Variants in ZNF251 observed in about 807,000 individuals in gnomAD.
The protein encoded by ZNF251 is zinc finger protein 251.
Under a neutral mutation model 13.5 loss-of-function variants are expected in ZNF251, and 14 were observed. That is an observed-to-expected ratio of 1.04 (90% confidence interval 0.69 to 1.63). The LOEUF is 1.63. Ranked by LOEUF, ZNF251 falls within the 40% of genes most tolerant of loss-of-function variation. The pLI is 0.00. For synonymous variants in ZNF251, 287 were observed against 295.2 expected, an observed-to-expected ratio of 0.97 and a Z score of 0.28; for missense variants, 764 against 834.9, an observed-to-expected ratio of 0.92 and a Z score of 1.05.
At chr8:144,730,974 T>C (rs886660199) in intron 4 of ZNF251, among the ~76,000 whole-genome samples, 6 of 152,126 alleles carry the variant, frequency 3.9e-5, no homozygotes, top group African/African-American at 1.2e-4. Context: ...AGCAGCACCT[T>C]GGGCACTGTG....
At chr8:144,737,408 G>A (rs939698477) in intron 4 of ZNF251, among the ~76,000 whole-genome samples, 6 of 152,096 alleles carry the variant, frequency 3.9e-5, no homozygotes, top group Non-Finnish European at 8.8e-5. Flanking sequence ...TCGGGAGGCT[G>A]AGGCAGGAGA....
chr8:144,736,522 G>A (rs1432951520), intron 4 of ZNF251, among the ~76,000 whole-genome samples: 1 of 148,622 alleles, frequency 6.7e-6, no homozygotes, highest in African/African-American at 2.5e-5. Context: ...ACAGAGTTTC[G>A]CTCTTGTTGC....
chr8:144,748,055 A>C (rs552533260), intron 4 of ZNF251, among the ~76,000 whole-genome samples: 2 of 151,128 alleles, frequency 1.3e-5, no homozygotes, highest in African/African-American at 4.9e-5. Flanking sequence ...GATTACAGGC[A>C]TGACTACCAC....
intron 4 of ZNF251, among the ~76,000 whole-genome samples, chr8:144,749,043 T>C (rs1824565023): frequency 6.6e-6 from 1 of 152,212 alleles, no homozygotes; most frequent in Non-Finnish European, 1.5e-5. Flanking sequence ...CATGCACCTG[T>C]AGTCCCAGCT....
rs371241405 is a variant in ZNF251 at position 144,735,092 on chromosome 8, A to G, written c.278-11710T>C. 1.3e-4 allele frequency among the ~76,000 whole-genome samples: 19 copies of G among 150,634 alleles called. No individual in the cohort carries two copies. The South Asian group carries it at 4.0e-3, about 32-fold the overall frequency. On this transcript the variant is annotated intron_variant, in intron 4 of 4. Transcript: ENST00000292562. Reference sequence around the variant, plus strand: ...CGTCTCAAAAAAATAAAAAAAAAAGAGATTTTACATTGGCTGGGCATGGTG... The same window carrying G: ...CGTCTCAAAAAAATAAAAAAAAAAGGGATTTTACATTGGCTGGGCATGGTG...
intron 1 of ZNF251, 65 bp from the exon 2 acceptor site, chr8:144,754,868 C>G: frequency 1.4e-6 from 2 of 1,472,348 alleles, no homozygotes; most frequent in Non-Finnish European, 1.8e-6. Flanking sequence ...GGCCAGGAGG[C>G]AGAAGCTGAT....
chr8:144,747,020 CTT>C (rs992135463), intron 4 of ZNF251, among the ~76,000 whole-genome samples: 5 of 151,950 alleles, frequency 3.3e-5, no homozygotes, highest in Non-Finnish European at 5.9e-5. Flanking sequence ...TTAATTTGCT[CTT>C]CTTTTTCTAG....
chr8:144,722,230 G>A lies in ZNF251; in HGVS notation c.1430C>T (p.Thr477Ile). The change falls in exon 5 of 5, where the codon ACC becomes ATC. Residue 477 changes from threonine to isoleucine, a missense_variant. By Grantham distance (89) the Thr-to-Ile change is moderately conservative (BLOSUM62 -1). Transcript: ENST00000292562. This position sits in a 1 kb window ranked among gnomAD's most constrained non-coding sequence, Gnocchi z 4.8. ...GKAFSQSSQL[T>I]LHQRVHTGEK... ...TCCAGTGTGAACTCGCTGATGTAGG[G>A]TGAGCTGGGAGCTCTGGCTGAAAGC... is the stretch of plus-strand genomic sequence containing the variant. 1.9e-6 allele frequency: 3 copies of A among 1,611,974 alleles called. No homozygotes were observed.
In ZNF251 at chr8:144,749,146, T is replaced by C. The variant is rs142571349; in HGVS notation, c.277+4537A>G. Among the ~76,000 whole-genome samples the C allele has an allele frequency of 1.5e-3, 228 of 151,986 alleles. 1 individual carries two copies. The highest frequency in any genetic ancestry group is 7.6e-3 in the East Asian group (39 of 5,158). On this transcript the variant is annotated intron_variant, in intron 4 of 4. Transcript: ENST00000292562. ...AGCTACTGCACTCTAGTCTGAGCAA[T>C]AGAGTGAGACCCCATCTCTAAAAAT...
intron 4 of ZNF251, among the ~76,000 whole-genome samples, chr8:144,744,991 G>A (rs539995792): frequency 3.9e-5 from 6 of 152,304 alleles, no homozygotes; most frequent in African/African-American, 1.4e-4. Flanking sequence ...AGGAGGTGGA[G>A]GTTGCAGTGA....
At chr8:144,730,113 G>A in intron 4 of ZNF251, 4 of 985,438 alleles carry the variant, frequency 4.1e-6, no homozygotes, top group Non-Finnish European at 4.8e-6. Flanking sequence ...AGAGTCGGCT[G>A]AAAAGTGCCA....
At chr8:144,745,253 C>A (rs1824368095) in intron 4 of ZNF251, among the ~76,000 whole-genome samples, 1 of 138,012 alleles carries the variant, frequency 7.2e-6, no homozygotes, top group South Asian at 2.5e-4. Flanking sequence ...TTGAAAAGAT[C>A]ATCCTTTCTA....
At chr8:144,733,493 C>T (rs991738481) in intron 4 of ZNF251, among the ~76,000 whole-genome samples, 5 of 152,252 alleles carry the variant, frequency 3.3e-5, no homozygotes, top group African/African-American at 1.2e-4. Flanking sequence ...CCCAACCCCT[C>T]CCTCTTGGTC....
chr8:144,741,437 ACAGAATC>A (rs1253447778), intron 4 of ZNF251, among the ~76,000 whole-genome samples: 1 of 152,240 alleles, frequency 6.6e-6, no homozygotes, highest in Non-Finnish European at 1.5e-5. Context: ...ACCCATACAT[ACAGAATC>A]CACAGTCTCC....
chr8:144,742,159 T>C (rs1824191938), intron 4 of ZNF251, among the ~76,000 whole-genome samples: 1 of 150,928 alleles, frequency 6.6e-6, no homozygotes, highest in Non-Finnish European at 1.5e-5. Flanking sequence ...TCATCGAAAG[T>C]CAAGGAGGCC....
chr8:144,749,375 C>T (rs1011626949), intron 4 of ZNF251, among the ~76,000 whole-genome samples: 4 of 152,036 alleles, frequency 2.6e-5, no homozygotes, highest in Non-Finnish European at 5.9e-5. Context: ...GTCCCAGCTA[C>T]TTGGGAGGCT....
At chr8:144,747,672 C>T (rs1233998062) in intron 4 of ZNF251, among the ~76,000 whole-genome samples, 7 of 282 alleles carry the variant, frequency 0.025, no homozygotes, top group South Asian at 0.33. Context: ...AGTGCGATGG[C>T]GCGAATCTCG....
chr8:144,754,977 G>A, intron 1 of ZNF251, 174 bp from the exon 2 acceptor site: 1 of 1,400,386 alleles, frequency 7.1e-7, no homozygotes, highest in Non-Finnish European at 9.2e-7. Flanking sequence ...AGAACGGCCA[G>A]AGCCAGAGCC....
chr8:144,750,866 T>G lies in ZNF251; in HGVS notation c.277+2817A>C, dbSNP rs185003773. Among the ~76,000 whole-genome samples the G allele has an allele frequency of 2.8e-4, 43 of 151,586 alleles. No individual in the cohort carries two copies. In the East Asian group the frequency reaches 7.3e-3, roughly 26 times the overall value. On this transcript the variant is annotated intron_variant, in intron 4 of 4. Coordinates refer to ENST00000292562, the MANE Select transcript of ZNF251 (RefSeq NM_138367.2). ...CCAGAGTTTTTTTTTTTTCTTTTTT[T>G]TTTTTTAGAGTCTCGCTCTGTCACT...
Sources: allele counts gnomAD v4.1 joint callset (sites outside exome capture counted in the v4.1 genomes callset), GRCh38; gene constraint gnomAD v4.1.1; non-coding constraint Gnocchi (gnomAD v3.1); transcripts MANE v1.5; gene names NCBI Gene and HGNC (gene_info 2026-07-23, HGNC 2026-07-21).